The following HDAC9 variants were observed in gnomAD, a reference collection of about 807,000 sequenced individuals.
HDAC9 encodes MEF-2 interacting transcription repressor (MITR) protein.
HDAC9 carries 41 observed loss-of-function variants against 139.4 expected under a neutral mutation model. That is an observed-to-expected ratio of 0.29 (90% confidence interval 0.23 to 0.38). The LOEUF (loss-of-function observed/expected upper bound fraction) is 0.38, where lower values mean the gene tolerates loss of function less well. Ranked by LOEUF, HDAC9 falls within the 10% of genes least tolerant of loss-of-function variation. The pLI, the probability that HDAC9 is intolerant of heterozygous loss-of-function variation, is 1.00. For missense variants in HDAC9, 1,147 were observed against 1,297.0 expected, an observed-to-expected ratio of 0.88 and a Z score of 1.78; for synonymous variants, 517 against 476.2, an observed-to-expected ratio of 1.09 and a Z score of -1.12.
At chr7:18,556,490 A>T (rs762405031) in intron 2 of HDAC9, among the ~76,000 whole-genome samples, 1 of 152,072 alleles carries the variant, frequency 6.6e-6, no homozygotes, top group Non-Finnish European at 1.5e-5. Context: ...TTCTTTTACG[A>T]TAGCAGTATC....
chr7:18,364,947 A>C (rs934580841), intron 1 of HDAC9, among the ~76,000 whole-genome samples: 9 of 152,160 alleles, frequency 5.9e-5, no homozygotes, highest in African/African-American at 1.9e-4. Context: ...GAAAAAGTTG[A>C]GTCTGTGTGC....
intron 20 of HDAC9, 155 bp from the exon 21 acceptor site, chr7:18,835,745 T>A: frequency 9.2e-7 from 1 of 1,086,996 alleles, no homozygotes; most frequent in Non-Finnish European, 1.4e-6. Context: ...AACAAGTGCA[T>A]AACCCAGAGC....
intron 14 of HDAC9, among the ~76,000 whole-genome samples, chr7:18,755,158 T>A (rs1210620971): frequency 6.6e-6 from 1 of 152,248 alleles, no homozygotes; most frequent in East Asian, 1.9e-4. Flanking sequence ...GTACAAGTGA[T>A]CTAGATTTGA....
At chr7:18,368,955 A>G (rs1784391024) in intron 1 of HDAC9, among the ~76,000 whole-genome samples, 2 of 152,090 alleles carry the variant, frequency 1.3e-5, no homozygotes, top group Non-Finnish European at 2.9e-5. Flanking sequence ...CTTGTATTCC[A>G]TCTGCTATTA....
chr7:18,495,675 CTGT>C (rs1457537917), upstream of HDAC9: 2 of 885,066 alleles, frequency 2.3e-6, no homozygotes, highest in African/African-American at 1.8e-5. Flanking sequence ...GTGGGCCATG[CTGT>C]TGTTGATTCA....
At chr7:18,285,540 G>A (rs1009728876), upstream of HDAC9, among the ~76,000 whole-genome samples, 1 of 151,914 alleles carries the variant, frequency 6.6e-6, no homozygotes, top group African/African-American at 2.4e-5. Flanking sequence ...TCTTGATATA[G>A]TGTGACATTT....
intron 1 of HDAC9, among the ~76,000 whole-genome samples, chr7:18,143,483 G>T (rs1333820614): frequency 6.6e-6 from 1 of 152,124 alleles, no homozygotes; most frequent in Non-Finnish European, 1.5e-5. Flanking sequence ...AAGATGAATT[G>T]CTGCTATGAT....
chr7:18,118,216 C>T (rs527548570), intron 1 of HDAC9, among the ~76,000 whole-genome samples: 1 of 152,210 alleles, frequency 6.6e-6, no homozygotes, highest in Non-Finnish European at 1.5e-5. Context: ...TCACATTTCT[C>T]TATGACATCT....
intron 23 of HDAC9, among the ~76,000 whole-genome samples, chr7:18,951,254 T>C (rs1419595150): frequency 6.6e-6 from 1 of 152,022 alleles, no homozygotes. Flanking sequence ...ATATGGTATA[T>C]GCAACTTAAC....
intron 17 of HDAC9, among the ~76,000 whole-genome samples, chr7:18,821,797 C>G (rs73065893): frequency 0.041 from 6,233 of 152,314 alleles, 129 homozygotes; most frequent in African/African-American, 0.056. Context: ...AGGTTTTCAT[C>G]TGTGCCTCTG....
At chr7:18,673,524 A>G (rs1374191095) in intron 12 of HDAC9, among the ~76,000 whole-genome samples, 1 of 152,108 alleles carries the variant, frequency 6.6e-6, no homozygotes, top group African/African-American at 2.4e-5. Flanking sequence ...ACATGTTGAA[A>G]TAATATTTTA....
At chr7:18,951,009 A>C (rs903771500) in intron 23 of HDAC9, among the ~76,000 whole-genome samples, 9 of 151,924 alleles carry the variant, frequency 5.9e-5, no homozygotes, top group African/African-American at 2.2e-4. Context: ...CATGCAAATA[A>C]AAAAAATCAG....
intron 21 of HDAC9, among the ~76,000 whole-genome samples, chr7:18,847,305 CA>C (rs1796974109): frequency 6.6e-6 from 1 of 152,160 alleles, no homozygotes; most frequent in Non-Finnish European, 1.5e-5. Context: ...ATTTTTTAAA[CA>C]AGTGATTACT....
At chr7:18,687,311 A>G (rs947938991) in intron 12 of HDAC9, among the ~76,000 whole-genome samples, 14 of 151,814 alleles carry the variant, frequency 9.2e-5, no homozygotes, top group South Asian at 2.1e-4. Flanking sequence ...CTTCTACTCA[A>G]TGCACTGGCC....
At chr7:18,325,145 C>A (rs1251650402) in intron 1 of HDAC9, among the ~76,000 whole-genome samples, 2 of 152,028 alleles carry the variant, frequency 1.3e-5, no homozygotes, top group Non-Finnish European at 2.9e-5. Context: ...TAAAAAAAGA[C>A]CCAATAGTTT....
chr7:18,812,576 A>AT lies in HDAC9; in HGVS notation c.2323-16579dup, dbSNP rs112342557. Among the ~76,000 whole-genome samples, 986 of 151,444 alleles carry AT rather than the reference A, an allele frequency of 6.5e-3. 14 individuals are homozygous for AT. The highest frequency in any genetic ancestry group is 0.023 in the African/African-American group (934 of 41,318). Reference sequence around the variant, plus strand: ...TGTCATGCTTGTTGAAAAGATGTATATTTTTTCTCTGGTTCTTTTTAAGAG... The same window carrying AT: ...TGTCATGCTTGTTGAAAAGATGTATATTTTTTTCTCTGGTTCTTTTTAAGAG... On this transcript the variant is annotated intron_variant, in intron 17 of 25. Transcript: ENST00000686413.
intron 22 of HDAC9, among the ~76,000 whole-genome samples, chr7:18,883,081 A>G (rs971063395): frequency 4.6e-5 from 7 of 152,160 alleles, no homozygotes; most frequent in Non-Finnish European, 8.8e-5. Flanking sequence ...AAGCATTATT[A>G]TTTTGTGATG....
intron 1 of HDAC9, among the ~76,000 whole-genome samples, chr7:18,432,337 G>A (rs974116064): frequency 1.3e-5 from 2 of 152,162 alleles, no homozygotes; most frequent in Non-Finnish European, 2.9e-5. Context: ...TCTTCTAATA[G>A]ATTGTGAACT....
chr7:18,646,449 A>G (rs1384685922), intron 9 of HDAC9, among the ~76,000 whole-genome samples: 2 of 152,138 alleles, frequency 1.3e-5, no homozygotes, highest in Admixed American at 6.5e-5. Context: ...GGATGAGGCC[A>G]TCACAATTAA....
Sources: allele counts gnomAD v4.1 joint callset (sites outside exome capture counted in the v4.1 genomes callset), GRCh38; gene constraint gnomAD v4.1.1; transcripts MANE v1.5; gene names NCBI Gene and HGNC (gene_info 2026-07-23, HGNC 2026-07-21).